Variants in SLC25A4 observed in about 807,000 individuals in gnomAD.
SLC25A4 encodes the protein solute carrier family 25 member 4.
SLC25A4 carries 10 observed loss-of-function variants against 24.7 expected under a neutral mutation model. The observed-to-expected ratio is 0.41, with a 90% CI of 0.25 to 0.69. The LOEUF (loss-of-function observed/expected upper bound fraction) is 0.69. Among genes scored for constraint, SLC25A4 ranks in the 30% least tolerant of loss-of-function variants. The probability of loss-of-function intolerance (pLI) is 0.35; values close to 1 mark genes in which losing one functional copy is unlikely to be tolerated. For missense variants in SLC25A4, 273 were observed against 387.6 expected (o/e 0.70, Z 2.48); for synonymous variants, 125 against 153.3 (o/e 0.82, Z 1.36).
In SLC25A4 at chr4:185,145,611, C is replaced by A; in HGVS notation, c.599-148C>A. Reference sequence around the variant, plus strand: ...GGCAGCAGCCACCTTTGCTGTCTGCCTGGTCATATGTGAAGCACCTGCACA... The same window carrying A: ...GGCAGCAGCCACCTTTGCTGTCTGCATGGTCATATGTGAAGCACCTGCACA... On this transcript the variant is annotated intron_variant, in intron 2 of 3. Transcript: ENST00000281456. This position sits in a 1 kb window ranked among gnomAD's most constrained non-coding sequence, Gnocchi z 5.5. 1 of 965,134 alleles carries A rather than the reference C, an allele frequency of 1.0e-6. No homozygotes were observed. Among genetic ancestry groups the A allele is most frequent in the Non-Finnish European group, 1.5e-6 (1 of 645,750 alleles). 59.8% of individuals were successfully genotyped at this position (965,134 alleles called of 1,614,324 possible).
Position 185,150,374 on chromosome 4 carries a change from A to T in SLC25A4, c.*3403A>T, listed in dbSNP as rs1266012837. The T allele has an allele frequency of 6.6e-6, 1 of 152,256 alleles. No homozygotes were observed. Among genetic ancestry groups the T allele is most frequent in the Non-Finnish European group, 1.5e-5 (1 of 68,044 alleles). 9.4% of individuals were successfully genotyped at this position (152,256 alleles called of 1,614,324 possible). The stretch of plus-strand genomic sequence containing the variant: ...AATGTCAAGCCCTTAAATAAAATTT[A>T]ACAAAGTCTACCGTGTCACAAATTC... On this transcript the variant is annotated 3_prime_UTR_variant, in exon 4 of 4. Coordinates refer to ENST00000281456, the MANE Select transcript of SLC25A4 (RefSeq NM_001151.4).
Position 185,145,949 on chromosome 4 carries a change from A to T in SLC25A4, c.739+50A>T, listed in dbSNP as rs2111286767. On this transcript the variant is annotated intron_variant, in intron 3 of 3. Coordinates refer to ENST00000281456, the MANE Select transcript of SLC25A4 (RefSeq NM_001151.4). The surrounding 1 kb of genome is among the most constrained non-coding windows in gnomAD (Gnocchi z 5.5). ...AACTTGTTTGGTTTTGCCCGAGGAG[A>T]ACATTTTACAGGGCTCCTTTCAGTC... 1 of 1,606,296 alleles carries T rather than the reference A, an allele frequency of 6.2e-7. No homozygotes were observed. The highest frequency in any genetic ancestry group is 2.2e-5 in the East Asian group (1 of 44,808).
chr4:185,146,933 G>A lies in SLC25A4; in HGVS notation c.859G>A (p.Val287Ile). 1 of 1,614,152 alleles carries A rather than the reference G, an allele frequency of 6.2e-7. No homozygotes were observed. Among genetic ancestry groups the A allele is most frequent in the Non-Finnish European group, 8.5e-7 (1 of 1,180,016 alleles). Residue 287 changes from valine (V) to isoleucine (I), a missense_variant, in exon 4 of 4, where the codon GTA (valine) becomes ATA (isoleucine). Coordinates refer to ENST00000281456, the MANE Select transcript of SLC25A4 (RefSeq NM_001151.4). ...GCTGAGAGGCATGGGCGGTGCTTTT[G>A]TATTGGTGTTGTATGATGAGATCAA... Reference protein sequence around the residue: ...NVLRGMGGAFVLVLYDEIKKY... With the variant: ...NVLRGMGGAFILVLYDEIKKY...
In SLC25A4 at chr4:185,145,381, T is replaced by C. The variant is rs576785899; in HGVS notation, c.598+131T>C. The C allele has an allele frequency of 1.4e-6, 2 of 1,382,896 alleles. No individual in the cohort carries two copies. Among genetic ancestry groups the C allele is most frequent in the Non-Finnish European group, 2.0e-6 (2 of 997,360 alleles). 85.7% of individuals were successfully genotyped at this position (1,382,896 alleles called of 1,614,324 possible). On this transcript the variant is annotated intron_variant, in intron 2 of 3. Transcript: ENST00000281456. The surrounding 1 kb of genome is among the most constrained non-coding windows in gnomAD (Gnocchi z 5.5). ...CTCTGGGATAATTGAGGCTTCTGAA[T>C]GAGGAGGTGATGTGCATAAGTTAAT...
chr4:185,146,509 G>A (rs1486985524), intron 3 of SLC25A4, among the ~76,000 whole-genome samples: 1 of 152,178 alleles, frequency 6.6e-6, no homozygotes, highest in Non-Finnish European at 1.5e-5. Context: ...AAAGGTAACC[G>A]CGTAGCATAA....
intron 1 of SLC25A4, among the ~76,000 whole-genome samples, 172 bp downstream of exon 1, chr4:185,143,655 G>C (rs1431825375): frequency 2.1e-5 from 3 of 145,070 alleles, no homozygotes; most frequent in African/African-American, 8.0e-5. Context: ...TGCCCTCTGC[G>C]TAGAGACAGG....
At chr4:185,144,401 G>A (rs1444225046) in intron 1 of SLC25A4, among the ~76,000 whole-genome samples, 2 of 152,114 alleles carry the variant, frequency 1.3e-5, no homozygotes, top group Admixed American at 1.3e-4. Context: ...CTTTGAAGCA[G>A]GGAGTGTTAC....
chr4:185,146,117 T>TA, intron 3 of SLC25A4, among the ~76,000 whole-genome samples: 1 of 152,286 alleles, frequency 6.6e-6, no homozygotes, highest in Non-Finnish European at 1.5e-5. Flanking sequence ...ACATGAATAG[T>TA]AAGACATTTA....
At position 185,143,339 on chromosome 4, in the gene SLC25A4, G is replaced by T; in HGVS notation, c.-34G>T. ...CGGGCGTGGGCGAGAGCACGAACGG[G>T]CTGCCTGCGGGCTGAGAGCGTCGAG... On this transcript the variant is annotated 5_prime_UTR_variant, in exon 1 of 4. Transcript: ENST00000281456. The T allele has an allele frequency of 7.6e-7, 1 of 1,324,382 alleles. No homozygotes were observed. Among genetic ancestry groups the T allele is most frequent in the Non-Finnish European group, 1.0e-6 (1 of 953,664 alleles). 82.0% of individuals were successfully genotyped at this position (1,324,382 alleles called of 1,614,324 possible).
In SLC25A4 at chr4:185,145,945, G is replaced by A. The variant is rs777556553; in HGVS notation, c.739+46G>A. ...TCTAAACTTGTTTGGTTTTGCCCGA[G>A]GAGAACATTTTACAGGGCTCCTTTC... On this transcript the variant is annotated intron_variant, in intron 3 of 3. Transcript: ENST00000281456. The surrounding 1 kb of genome is among the most constrained non-coding windows in gnomAD (Gnocchi z 5.5). 145 of 1,610,704 alleles carry A rather than the reference G, an allele frequency of 9.0e-5. 1 individual carries two copies. In the South Asian group the frequency reaches 1.5e-3, roughly 17 times the overall value.
chr4:185,144,652 CT>C, intron 1 of SLC25A4, 111 bp from the exon 2 acceptor site: 5 of 1,002,202 alleles, frequency 5.0e-6, no homozygotes, highest in Non-Finnish European at 7.6e-6. Context: ...TTTCCTCATC[CT>C]TTTTTTCTTC....
Position 185,145,649 on chromosome 4 carries a change from C to A in SLC25A4, c.599-110C>A. ...AAGCACCTGCACAGGGGCAGGTTCC[C>A]CGCAAGGTCAGAGCATGGAGCTGGA... On this transcript the variant is annotated intron_variant, in intron 2 of 3. Coordinates refer to ENST00000281456, the MANE Select transcript of SLC25A4 (RefSeq NM_001151.4). The surrounding 1 kb of genome is among the most constrained non-coding windows in gnomAD (Gnocchi z 5.5). 7.1e-7 allele frequency: 1 copy of A among 1,399,132 alleles called. No individual in the cohort carries two copies. The highest frequency in any genetic ancestry group is 9.9e-7 in the Non-Finnish European group (1 of 1,008,600). 86.7% of individuals were successfully genotyped at this position (1,399,132 alleles called of 1,614,324 possible).
At chr4:185,144,218 T>C (rs997259284) in intron 1 of SLC25A4, among the ~76,000 whole-genome samples, 2 of 152,156 alleles carry the variant, frequency 1.3e-5, no homozygotes, top group African/African-American at 2.4e-5. Flanking sequence ...AGCAAACCCT[T>C]AATAATTGAT....
rs1005350458 is a variant in SLC25A4 at position 185,145,453 on chromosome 4, T to C, written c.598+203T>C. The C allele has an allele frequency of 2.5e-6, 2 of 799,662 alleles. No individual in the cohort carries two copies. Among genetic ancestry groups the C allele is most frequent in the African/African-American group, 3.5e-5 (2 of 57,786 alleles). 49.5% of individuals were successfully genotyped at this position (799,662 alleles called of 1,614,324 possible). ...CTCTACTGAAATAAACTCTGGCCTT[T>C]AGTTATTCAGAGAGGAGGAGGGGGG... On this transcript the variant is annotated intron_variant, in intron 2 of 3. Transcript: ENST00000281456. This position sits in a 1 kb window ranked among gnomAD's most constrained non-coding sequence, Gnocchi z 5.5.
chr4:185,146,145 G>A (rs111822265), intron 3 of SLC25A4, among the ~76,000 whole-genome samples: 1 of 152,142 alleles, frequency 6.6e-6, no homozygotes, highest in African/African-American at 2.4e-5. Context: ...ATTTAACTAG[G>A]TATCCAGCAT....
At position 185,147,955 on chromosome 4, in the gene SLC25A4, T is replaced by G. The variant is rs1734471289; in HGVS notation, c.*984T>G. On this transcript the variant is annotated 3_prime_UTR_variant, in exon 4 of 4. Transcript: ENST00000281456. Reference sequence around the variant, plus strand: ...AGATGGCATGCCACCACATCCATCCTAAGCGACAGGGCAAGACTCTGTCTC... The same window carrying G: ...AGATGGCATGCCACCACATCCATCCGAAGCGACAGGGCAAGACTCTGTCTC... 1 of 149,612 alleles carries G rather than the reference T, an allele frequency of 6.7e-6. No individual in the cohort carries two copies. Among genetic ancestry groups the G allele is most frequent in the Admixed American group, 6.7e-5 (1 of 14,984 alleles). 9.3% of individuals were successfully genotyped at this position (149,612 alleles called of 1,614,324 possible).
rs34795113 is a variant in SLC25A4 at position 185,144,690 on chromosome 4, C to CT, written c.112-65dup. 0.47 allele frequency: 652,684 copies of CT among 1,401,154 alleles called. 143,762 individuals are homozygous for CT. Among genetic ancestry groups the CT allele is most frequent in the East Asian group, 0.74 (30,579 of 41,386 alleles). The allele number at this position is 1,401,154 out of a possible 1,614,324, so 86.8% of individuals were successfully genotyped here. A position where few individuals can be genotyped will look rare whatever the true frequency, so the allele number is the denominator to read the frequency against. ...AAAAAAAAATCTAGGAAGTGCAAAC[C>CT]TTTTTTTTTCTCCTGTCCTCTTCCC... On this transcript the variant is annotated intron_variant, in intron 1 of 3. Coordinates refer to ENST00000281456, the MANE Select transcript of SLC25A4 (RefSeq NM_001151.4).
Position 185,148,015 on chromosome 4 carries a change from A to C in SLC25A4, c.*1044A>C, listed in dbSNP as rs1734473524. The C allele has an allele frequency of 6.6e-6, 1 of 151,998 alleles. No homozygotes were observed. Among genetic ancestry groups the C allele is most frequent in the South Asian group, 2.1e-4 (1 of 4,806 alleles). 9.4% of individuals were successfully genotyped at this position (151,998 alleles called of 1,614,324 possible). Reference sequence around the variant, plus strand: ...AAAAAGAAAGAAAATCAGTTGTCTTAGTTTAAGCTACTATAACAAGGTACT... The same window carrying C: ...AAAAAGAAAGAAAATCAGTTGTCTTCGTTTAAGCTACTATAACAAGGTACT... On this transcript the variant is annotated 3_prime_UTR_variant, in exon 4 of 4. Coordinates refer to ENST00000281456, the MANE Select transcript of SLC25A4 (RefSeq NM_001151.4).
chr4:185,149,643 G>A lies in SLC25A4; in HGVS notation c.*2672G>A, dbSNP rs529161085. ...GTGCAAAGCTGCCTCATGCTGGAAG[G>A]TCTGGTTTACGTAAAAGTGACAAGT... On this transcript the variant is annotated 3_prime_UTR_variant, in exon 4 of 4. Coordinates refer to ENST00000281456, the MANE Select transcript of SLC25A4 (RefSeq NM_001151.4). The A allele has an allele frequency of 2.0e-5, 3 of 152,116 alleles. No homozygotes were observed. The highest frequency in any genetic ancestry group is 7.2e-5 in the African/African-American group (3 of 41,416). The allele number at this position is 152,116 out of a possible 1,614,324, so 9.4% of individuals were successfully genotyped here. A position where few individuals can be genotyped will look rare whatever the true frequency, so the allele number is the denominator to read the frequency against.
Sources: allele counts gnomAD v4.1 joint callset (sites outside exome capture counted in the v4.1 genomes callset), GRCh38; gene constraint gnomAD v4.1.1; non-coding constraint Gnocchi (gnomAD v3.1); transcripts MANE v1.5; gene names NCBI Gene and HGNC (gene_info 2026-07-23, HGNC 2026-07-21).